TPRG1: variants seen among roughly 807,000 people sequenced by gnomAD.
TPRG1 encodes the protein tumor protein p63 regulated 1.
Under a neutral mutation model 29.3 loss-of-function variants are expected in TPRG1, and 29 were observed. That is an observed-to-expected ratio of 0.99 (90% CI 0.74 to 1.35). TPRG1 has a LOEUF of 1.35. Among genes scored for constraint, TPRG1 ranks in the 40% most tolerant of loss-of-function variants. The pLI, the probability that TPRG1 is intolerant of heterozygous loss-of-function variation, is 0.00. For missense variants in TPRG1, 327 were observed against 335.0 expected, an observed-to-expected ratio of 0.98 and a Z score of 0.19; for synonymous variants, 130 against 116.8, an observed-to-expected ratio of 1.11 and a Z score of -0.73.
At chr3:189,264,256 T>A (rs1713649494) in intron 4 of TPRG1, among the ~76,000 whole-genome samples, 1 of 152,178 alleles carries the variant, frequency 6.6e-6, no homozygotes, top group South Asian at 2.1e-4. Context: ...TAACCTTCTT[T>A]CTAACTTTGC....
chr3:189,317,272 A>T (rs1017205815), intron 5 of TPRG1, among the ~76,000 whole-genome samples: 5 of 152,134 alleles, frequency 3.3e-5, no homozygotes, highest in Admixed American at 6.6e-5. Flanking sequence ...TTTGATTTTT[A>T]AGAGATCATG....
chr3:189,177,335 A>G (rs1729609235), intron 1 of TPRG1, among the ~76,000 whole-genome samples: 1 of 152,070 alleles, frequency 6.6e-6, no homozygotes. Flanking sequence ...GAGTAAATGT[A>G]TAAATCTGGT....
intron 1 of TPRG1, among the ~76,000 whole-genome samples, chr3:189,115,727 G>A (rs567380410): frequency 3.3e-5 from 5 of 152,336 alleles, no homozygotes; most frequent in Admixed American, 1.3e-4. Context: ...AGGCCCACCT[G>A]AGAAAATTCT....
intron 1 of TPRG1, among the ~76,000 whole-genome samples, chr3:189,107,550 A>G (rs1312953600): frequency 1.3e-5 from 2 of 152,174 alleles, no homozygotes; most frequent in African/African-American, 4.8e-5. Flanking sequence ...TCCCTTACAG[A>G]AATTTCACCC....
At chr3:189,053,743 G>A (rs1392685701) in intron 4 of TPRG1, among the ~76,000 whole-genome samples, 1 of 152,180 alleles carries the variant, frequency 6.6e-6, no homozygotes, top group Non-Finnish European at 1.5e-5. Flanking sequence ...TGTGTGGTGA[G>A]CAACAGGACC....
intron 1 of TPRG1, among the ~76,000 whole-genome samples, chr3:189,195,405 A>G (rs1259623762): frequency 1.3e-5 from 2 of 152,138 alleles, no homozygotes; most frequent in African/African-American, 2.4e-5. Context: ...TCGACTCAAC[A>G]GAGAAAGCTG....
intron 1 of TPRG1, among the ~76,000 whole-genome samples, chr3:189,197,340 C>G (rs889305169): frequency 6.6e-6 from 1 of 152,098 alleles, no homozygotes; most frequent in Non-Finnish European, 1.5e-5. Flanking sequence ...TTATCAGGAC[C>G]CACATCTTTA....
chr3:189,156,722 A>T (rs532304784), intron 5 of TPRG1, among the ~76,000 whole-genome samples: 2 of 152,338 alleles, frequency 1.3e-5, no homozygotes, highest in Admixed American at 1.3e-4. Flanking sequence ...CCCTCTTTGC[A>T]GCCTCTATCT....
At chr3:189,161,904 G>A (rs897829184) in intron 5 of TPRG1, among the ~76,000 whole-genome samples, 1 of 152,230 alleles carries the variant, frequency 6.6e-6, no homozygotes, top group Non-Finnish European at 1.5e-5. Context: ...GAGCTTCATG[G>A]AGGAGGTAAC....
intron 4 of TPRG1, among the ~76,000 whole-genome samples, chr3:189,255,451 C>T (rs1190770693): frequency 6.6e-6 from 1 of 152,108 alleles, no homozygotes; most frequent in Admixed American, 6.5e-5. Flanking sequence ...ATTTTCACAT[C>T]GATGTTCATC....
At chr3:189,037,354 A>G (rs562359745) in intron 4 of TPRG1, among the ~76,000 whole-genome samples, 1 of 151,992 alleles carries the variant, frequency 6.6e-6, no homozygotes, top group Non-Finnish European at 1.5e-5. Flanking sequence ...AGCTCTATCA[A>G]TGTAACAGTA....
chr3:189,044,555 CA>C (rs11431509), intron 4 of TPRG1, among the ~76,000 whole-genome samples: 13,029 of 98,628 alleles, frequency 0.13, 832 homozygotes, highest in African/African-American at 0.27. Context: ...AACTCCGTCT[CA>C]AAAAAAAAAA....
At chr3:189,269,070 T>C (rs1407589769) in intron 4 of TPRG1, among the ~76,000 whole-genome samples, 2 of 151,612 alleles carry the variant, frequency 1.3e-5, no homozygotes, top group African/African-American at 2.4e-5. Context: ...TCTTTAGAAA[T>C]ACAAGAGTTA....
At chr3:189,320,431 G>A (rs981546284) in intron 5 of TPRG1, among the ~76,000 whole-genome samples, 195 bp from the exon 6 acceptor site, 3 of 152,070 alleles carry the variant, frequency 2.0e-5, no homozygotes, top group African/African-American at 7.2e-5. Flanking sequence ...AGGAAAGTTA[G>A]TCTTAATGGA....
At chr3:189,144,632 A>G (rs899859612) in intron 3 of TPRG1, among the ~76,000 whole-genome samples, 2 of 152,238 alleles carry the variant, frequency 1.3e-5, no homozygotes, top group African/African-American at 2.4e-5. Context: ...GCCAGGAAAT[A>G]GTATGAGTTT....
At chr3:189,260,089 C>T (rs1160363484) in intron 4 of TPRG1, among the ~76,000 whole-genome samples, 1 of 152,076 alleles carries the variant, frequency 6.6e-6, no homozygotes, top group East Asian at 1.9e-4. Flanking sequence ...TCCAGATTTC[C>T]CTCTGGGTGA....
intron 3 of TPRG1, among the ~76,000 whole-genome samples, chr3:189,133,151 T>C (rs1442779629): frequency 2.0e-5 from 3 of 152,178 alleles, no homozygotes; most frequent in Non-Finnish European, 4.4e-5. Flanking sequence ...GGTTGAAATG[T>C]AACATACAAA....
chr3:189,239,510 A>C (rs1218578936), intron 4 of TPRG1, among the ~76,000 whole-genome samples: 2 of 152,216 alleles, frequency 1.3e-5, no homozygotes, highest in East Asian at 3.9e-4. Context: ...TAAGGAAGAA[A>C]GAGCTGTGGG....
chr3:189,312,125 CT>C (rs1423708945), intron 5 of TPRG1, among the ~76,000 whole-genome samples: 4 of 35,246 alleles, frequency 1.1e-4, no homozygotes. Flanking sequence ...TTGTTTCTTT[CT>C]TTCTTTCTTT....
Sources: allele counts gnomAD v4.1 joint callset (sites outside exome capture counted in the v4.1 genomes callset), GRCh38; gene constraint gnomAD v4.1.1; transcripts MANE v1.5; gene names NCBI Gene and HGNC (gene_info 2026-07-23, HGNC 2026-07-21).